The following ZCCHC7 variants were observed in gnomAD, a reference collection of about 807,000 sequenced individuals.
ZCCHC7 encodes zinc finger CCHC domain-containing protein 7.
Under a neutral mutation model 52.0 loss-of-function variants are expected in ZCCHC7, and 35 were observed. The observed-to-expected ratio is 0.67, with a 90% CI of 0.51 to 0.89. ZCCHC7 has a LOEUF of 0.89. Among genes scored for constraint, ZCCHC7 ranks in the 40% least tolerant of loss-of-function variants. The probability of loss-of-function intolerance (pLI) is 0.00; values close to 1 mark genes in which losing one functional copy is unlikely to be tolerated. For missense variants in ZCCHC7, 574 were observed against 649.1 expected, an observed-to-expected ratio of 0.88 and a Z score of 1.26; for synonymous variants, 217 against 221.5, an observed-to-expected ratio of 0.98 and a Z score of 0.18.
intron 2 of ZCCHC7, among the ~76,000 whole-genome samples, chr9:37,204,584 T>G (rs1300234014): frequency 6.6e-6 from 1 of 152,192 alleles, no homozygotes; most frequent in African/African-American, 2.4e-5. Context: ...CATTGCTTGT[T>G]TTTGTCAGGT....
chr9:37,337,207 A>C (rs1830711749), intron 6 of ZCCHC7, among the ~76,000 whole-genome samples: 1 of 152,238 alleles, frequency 6.6e-6, no homozygotes, highest in South Asian at 2.1e-4. Context: ...AACAGCACTA[A>C]AGAGTTTATC....
chr9:37,317,585 T>C (rs1829877530), intron 5 of ZCCHC7, among the ~76,000 whole-genome samples: 1 of 152,104 alleles, frequency 6.6e-6, no homozygotes, highest in South Asian at 2.1e-4. Flanking sequence ...AAATTTTATT[T>C]TTTAAATTAT....
At chr9:37,327,973 A>G in intron 6 of ZCCHC7, 139 bp downstream of exon 6, 2 of 874,588 alleles carry the variant, frequency 2.3e-6, no homozygotes, top group Non-Finnish European at 3.5e-6. Context: ...GGAGAAAGCA[A>G]TAATACACTT....
chr9:37,217,671 TGTCTA>T (rs1824582854), intron 2 of ZCCHC7, among the ~76,000 whole-genome samples: 1 of 152,200 alleles, frequency 6.6e-6, no homozygotes, highest in Non-Finnish European at 1.5e-5. Flanking sequence ...TCCATGCTCT[TGTCTA>T]ATTTTTCCCA....
intron 1 of ZCCHC7, among the ~76,000 whole-genome samples, chr9:37,123,206 TGTGTGTGTGTGTGTGTGTGCGTGTGC>T (rs1162116197): frequency 2.4e-5 from 3 of 126,908 alleles, no homozygotes; most frequent in Admixed American, 7.7e-5. Context: ...TGTGTGTGTG[TGTGTGTGTGTGTGTGTGTGCGTGTGC>T]GTGTGTGTGT....
rs1588674490 is a variant in ZCCHC7, at chr9:37,326,052, CTG to C, written c.952-1744_952-1743del. The C allele has an allele frequency of 3.9e-5, 6 of 152,278 alleles. No homozygotes were observed. In the South Asian group the frequency reaches 8.3e-4, roughly 21 times the overall value. The allele number at this position is 152,278 out of a possible 1,614,324, so 9.4% of individuals were successfully genotyped here. A position where few individuals can be genotyped will look rare whatever the true frequency, so the allele number is the denominator to read the frequency against. On this transcript the variant is annotated intron_variant, in intron 5 of 8. Transcript: ENST00000336755. ...TTTCAACCGTATTATTCTGAGGACA[CTG>C]TGGTAATCAAGAACTATCCATAACT...
At chr9:37,124,863 A>G (rs1842475984) in intron 1 of ZCCHC7, among the ~76,000 whole-genome samples, 1 of 152,152 alleles carries the variant, frequency 6.6e-6, no homozygotes, top group African/African-American at 2.4e-5. Flanking sequence ...TGTAACTAGT[A>G]CAGAGTTTTT....
At chr9:37,335,993 T>C (rs950008949) in intron 6 of ZCCHC7, among the ~76,000 whole-genome samples, 1 of 152,278 alleles carries the variant, frequency 6.6e-6, no homozygotes, top group African/African-American at 2.4e-5. Flanking sequence ...ATACAAATGA[T>C]GAGAATAAAA....
intron 2 of ZCCHC7, among the ~76,000 whole-genome samples, chr9:37,134,476 AT>A (rs1392283349): frequency 6.6e-6 from 1 of 152,132 alleles, no homozygotes; most frequent in East Asian, 1.9e-4. Flanking sequence ...TTGATATGTT[AT>A]TTTTTGGAAT....
chr9:37,290,434 T>C (rs951001232), intron 2 of ZCCHC7, among the ~76,000 whole-genome samples: 9 of 152,098 alleles, frequency 5.9e-5, no homozygotes, highest in African/African-American at 1.9e-4. Context: ...GGCGGGTGAA[T>C]CACTTAAGCC....
chr9:37,256,590 A>T (rs1329768771), intron 2 of ZCCHC7, among the ~76,000 whole-genome samples: 1 of 152,198 alleles, frequency 6.6e-6, no homozygotes, highest in Non-Finnish European at 1.5e-5. Context: ...AAATAATTTT[A>T]TTAAGCCTCA....
chr9:37,356,722 G>T lies in ZCCHC7; in HGVS notation c.1199-113G>T, dbSNP rs555277934. 95 of 1,002,442 alleles carry T rather than the reference G, an allele frequency of 9.5e-5. 1 individual carries two copies. In the African/African-American group the frequency reaches 1.3e-3, roughly 14 times the overall value. The allele number at this position is 1,002,442 out of a possible 1,614,324, so 62.1% of individuals were successfully genotyped here. A position where few individuals can be genotyped will look rare whatever the true frequency, so the allele number is the denominator to read the frequency against. ...AATTTTTAGTGAGTGATGTCATACT[G>T]TTAACATGTTTAAATATCTAGCTTC... On this transcript the variant is annotated intron_variant, in intron 8 of 8. Coordinates refer to ENST00000336755, the MANE Select transcript of ZCCHC7 (RefSeq NM_032226.3).
chr9:37,322,884 G>A (rs1830107332), intron 5 of ZCCHC7, among the ~76,000 whole-genome samples: 1 of 151,976 alleles, frequency 6.6e-6, no homozygotes, highest in African/African-American at 2.4e-5. Context: ...CTTTATTGAT[G>A]CCAATATTTC....
At chr9:37,151,471 A>G (rs17486983) in intron 2 of ZCCHC7, among the ~76,000 whole-genome samples, 21,779 of 152,082 alleles carry the variant, frequency 0.14, 1,781 homozygotes, top group Non-Finnish European at 0.17. Context: ...AGGTTGTATG[A>G]ACAATTATAA....
At chr9:37,323,522 C>A (rs1273612639) in intron 5 of ZCCHC7, among the ~76,000 whole-genome samples, 2 of 152,078 alleles carry the variant, frequency 1.3e-5, no homozygotes, top group African/African-American at 4.8e-5. Context: ...GCTTTCCATA[C>A]CGATTGGTTA....
chr9:37,342,286 C>T (rs1172284012), intron 6 of ZCCHC7, among the ~76,000 whole-genome samples: 3 of 151,942 alleles, frequency 2.0e-5, no homozygotes, highest in Non-Finnish European at 4.4e-5. Flanking sequence ...ACAAAGTTGC[C>T]GATGAGATGG....
intron 2 of ZCCHC7, among the ~76,000 whole-genome samples, chr9:37,265,745 A>T (rs79848683): frequency 0.051 from 7,721 of 151,954 alleles, 642 homozygotes; most frequent in African/African-American, 0.17. Flanking sequence ...TCCAGCGACC[A>T]TTTTCCTTTT....
chr9:37,347,651 G>A (rs1212118709), intron 6 of ZCCHC7, among the ~76,000 whole-genome samples: 1 of 151,894 alleles, frequency 6.6e-6, no homozygotes, highest in South Asian at 2.1e-4. Context: ...AAAAAAATCC[G>A]GGTTAAGTTC....
chr9:37,200,920 AT>A (rs1823597657), intron 2 of ZCCHC7, among the ~76,000 whole-genome samples: 1 of 152,258 alleles, frequency 6.6e-6, no homozygotes, highest in South Asian at 2.1e-4. Flanking sequence ...TTAAGTCTTC[AT>A]CACACTTTGT....
Sources: allele counts gnomAD v4.1 joint callset (sites outside exome capture counted in the v4.1 genomes callset), GRCh38; gene constraint gnomAD v4.1.1; transcripts MANE v1.5; gene names NCBI Gene and HGNC (gene_info 2026-07-23, HGNC 2026-07-21).